Variants in DENND3 observed in about 807,000 individuals in gnomAD.
DENND3 encodes DENN domain-containing protein 3.
Under a neutral mutation model 135.1 loss-of-function variants are expected in DENND3, and 88 were observed. The observed-to-expected ratio is 0.65, with a 90% confidence interval of 0.55 to 0.78. The LOEUF (loss-of-function observed/expected upper bound fraction) is 0.78, where lower values mean the gene tolerates loss of function less well. DENND3 is among the 30% of genes least tolerant of loss of function. The pLI, the probability that DENND3 is intolerant of heterozygous loss-of-function variation, is 0.00. For missense variants in DENND3, 1,392 were observed against 1,688.4 expected, an observed-to-expected ratio of 0.82 and a Z score of 3.08; for synonymous variants, 693 against 712.3, an observed-to-expected ratio of 0.97 and a Z score of 0.43.
At position 141,151,774 on chromosome 8, in the gene DENND3, C is replaced by T. The variant is rs2304284; in HGVS notation, c.1011C>T (p.Phe337=). ...TCCTGTCGGACCAGATGCTGGATTT[C>T]GTCATGGCCCCCACGTCCTTCCTGA... ...VPILSDQMLD[F]VMAPTSFLMG... The change falls in exon 7 of 23, where the codon TTC becomes TTT. Residue 337 remains phenylalanine, a synonymous_variant. Coordinates refer to ENST00000519811, the MANE Select transcript of DENND3 (RefSeq NM_001352890.3). The T allele has an allele frequency of 0.12, 198,267 of 1,613,852 alleles. 16,154 individuals are homozygous for T. Among genetic ancestry groups the T allele is most frequent in the East Asian group, 0.45 (20,096 of 44,864 alleles).
chr8:141,191,731 GCTCA>G (rs1257422296), intron 20 of DENND3: 2 of 152,544 alleles, frequency 1.3e-5, no homozygotes, highest in African/African-American at 4.8e-5. Context: ...CCACTGTTCC[GCTCA>G]CTTTCAGGGC....
chr8:141,154,332 A>G lies in DENND3; in HGVS notation c.1075-1517A>G, dbSNP rs1004988034. On this transcript the variant is annotated intron_variant, in intron 7 of 22. Transcript: ENST00000519811. This position sits in a 1 kb window ranked among gnomAD's most constrained non-coding sequence, Gnocchi z 4.4. ...TCCAAGTCATCATGTGCATATCTCA[A>G]ATATTCCAGGGCTACGCGGTCTCTT... 2.6e-4 allele frequency among the ~76,000 whole-genome samples: 39 copies of G among 152,006 alleles called. No homozygotes were observed. Among genetic ancestry groups the G allele is most frequent in the African/African-American group, 9.4e-4 (39 of 41,404 alleles).
chr8:141,147,159 A>G lies in DENND3; in HGVS notation c.735+2900A>G, dbSNP rs569725385. Reference sequence around the variant, plus strand: ...CACTCAGCCTCGCCGGACTACCTTCAGTGTTCCTTTCCAGTTTGCCCATTT... The same window carrying G: ...CACTCAGCCTCGCCGGACTACCTTCGGTGTTCCTTTCCAGTTTGCCCATTT... On this transcript the variant is annotated intron_variant, in intron 5 of 22. Transcript: ENST00000519811. Among the ~76,000 whole-genome samples, 20 of 152,162 alleles carry G rather than the reference A, an allele frequency of 1.3e-4. No individual in the cohort carries two copies. In the South Asian group the frequency reaches 4.1e-3, roughly 32 times the overall value.
Position 141,185,232 on chromosome 8 carries a change from C to T in DENND3, c.3038C>T (p.Ser1013Leu), listed in dbSNP as rs772734657. The change falls in exon 18 of 23, where the codon TCA becomes TTA. Residue 1013 changes from serine (S) to leucine (L), a missense_variant. By Grantham distance (145) the Ser-to-Leu change is moderately radical (BLOSUM62 -2). Transcript: ENST00000519811. Reference protein sequence around the residue: ...EGKVTVFNASSWTIHQHSFKV... With the variant: ...EGKVTVFNASLWTIHQHSFKV... ...AAGGTGACCGTGTTCAATGCTTCTT[C>T]ATGGACCATCCACCAGCACTCCTTT... The T allele has an allele frequency of 4.3e-6, 7 of 1,614,234 alleles. No individual in the cohort carries two copies. The highest frequency in any genetic ancestry group is 1.6e-4 in the Middle Eastern group (1 of 6,062).
rs768022240 is a variant in DENND3 at position 141,175,713 on chromosome 8, C to A, written c.2535+254C>A. 14 of 530,360 alleles carry A rather than the reference C, an allele frequency of 2.6e-5. No individual in the cohort carries two copies. The highest frequency in any genetic ancestry group is 4.8e-5 in the Non-Finnish European group (14 of 294,484). The allele number at this position is 530,360 out of a possible 1,614,324, so 32.9% of individuals were successfully genotyped here. A position where few individuals can be genotyped will look rare whatever the true frequency, so the allele number is the denominator to read the frequency against. On this transcript the variant is annotated intron_variant, in intron 14 of 22. Coordinates refer to ENST00000519811, the MANE Select transcript of DENND3 (RefSeq NM_001352890.3). This position sits in a 1 kb window ranked among gnomAD's most constrained non-coding sequence, Gnocchi z 5.4. ...AATGGTAACTGATTCTCTGTCACAG[C>A]TGACTTGCATCTGGGAGGCAGGAAG...
At position 141,128,651 on chromosome 8, in the gene DENND3, G is replaced by A; in HGVS notation, c.-57G>A. 1 of 1,177,596 alleles carries A rather than the reference G, an allele frequency of 8.5e-7. No homozygotes were observed. Among genetic ancestry groups the A allele is most frequent in the South Asian group, 2.4e-5 (1 of 42,282 alleles). 72.9% of individuals were successfully genotyped at this position (1,177,596 alleles called of 1,614,324 possible). On this transcript the variant is annotated 5_prime_UTR_variant, in exon 1 of 23. Coordinates refer to ENST00000519811, the MANE Select transcript of DENND3 (RefSeq NM_001352890.3). The surrounding 1 kb of genome is among the most constrained non-coding windows in gnomAD (Gnocchi z 4.5). ...CGCGGCTGGTCCCCAGGGGTCTGCG[G>A]GCGACTGCGCGGCTGAGGCGCCCGA...
rs1820619781 is a variant in DENND3, at chr8:141,165,158, C to T, written c.1450-28C>T. 1.9e-6 allele frequency: 3 copies of T among 1,591,002 alleles called. No homozygotes were observed. The Admixed American group carries it at 5.0e-5, about 27-fold the overall frequency. ...AGGGACCTGGGGAGTCGGCACAGCC[C>T]AGTGACCAGCCCCTCTCTCTTTTCC... On this transcript the variant is annotated intron_variant, in intron 10 of 22. Transcript: ENST00000519811.
intron 4 of DENND3, among the ~76,000 whole-genome samples, chr8:141,143,610 T>C (rs1490924401): frequency 1.3e-5 from 2 of 152,178 alleles, no homozygotes; most frequent in Non-Finnish European, 2.9e-5. Context: ...CTCACTATCT[T>C]GCGCAGGCTG....
chr8:141,165,425 G>A (rs995889859), intron 11 of DENND3, 136 bp downstream of exon 11: 10 of 618,640 alleles, frequency 1.6e-5, no homozygotes, highest in South Asian at 6.3e-5. Context: ...TGAACTGGGC[G>A]ACAGCTAGGA....
Position 141,130,855 on chromosome 8 carries a change from T to A in DENND3, c.102+2046T>A, listed in dbSNP as rs777664453. Among the ~76,000 whole-genome samples the A allele has an allele frequency of 6.6e-5, 10 of 152,052 alleles. No individual in the cohort carries two copies. The highest frequency in any genetic ancestry group is 1.2e-4 in the Non-Finnish European group (8 of 68,024). Reference sequence around the variant, plus strand: ...GCGTGTGCCACCATGCCCAGCTAATTTTTGTATTTTTAGTAGAGACAGGGT... The same window carrying A: ...GCGTGTGCCACCATGCCCAGCTAATATTTGTATTTTTAGTAGAGACAGGGT... On this transcript the variant is annotated intron_variant, in intron 1 of 22. Transcript: ENST00000519811. The surrounding 1 kb of genome is among the most constrained non-coding windows in gnomAD (Gnocchi z 4.2).
chr8:141,128,619 C>G lies in DENND3; in HGVS notation c.-89C>G, dbSNP rs932191656. 7.6e-6 allele frequency: 6 copies of G among 791,610 alleles called. No individual in the cohort carries two copies. Among genetic ancestry groups the G allele is most frequent in the Non-Finnish European group, 9.8e-6 (6 of 609,660 alleles). 49.0% of individuals were successfully genotyped at this position (791,610 alleles called of 1,614,324 possible). ...CGGCGCTCGCAGCGCCCCCGGCCCC[C>G]AGGCGGCGCGGCTGGTCCCCAGGGG... On this transcript the variant is annotated 5_prime_UTR_variant, in exon 1 of 23. Coordinates refer to ENST00000519811, the MANE Select transcript of DENND3 (RefSeq NM_001352890.3). The surrounding 1 kb of genome is among the most constrained non-coding windows in gnomAD (Gnocchi z 4.5).
chr8:141,181,362 G>A (rs557646534), intron 17 of DENND3, among the ~76,000 whole-genome samples: 5 of 152,308 alleles, frequency 3.3e-5, no homozygotes, highest in African/African-American at 1.2e-4. Flanking sequence ...TGCTCACATC[G>A]TTTCCGCAGA....
chr8:141,163,289 A>G (rs751052194), intron 9 of DENND3, 44 bp from the exon 10 acceptor site: 5 of 1,209,902 alleles, frequency 4.1e-6, no homozygotes, highest in Admixed American at 4.0e-5. Context: ...TTTTTCATGT[A>G]TTTAAGAAAG....
intron 5 of DENND3, chr8:141,150,283 C>T (rs1818635753): frequency 7.8e-7 from 1 of 1,275,978 alleles, no homozygotes; most frequent in Non-Finnish European, 1.0e-6. Context: ...TTTCCTCCGC[C>T]AGGTCCAGCC....
At chr8:141,181,435 A>C (rs1164824032) in intron 17 of DENND3, among the ~76,000 whole-genome samples, 1 of 152,222 alleles carries the variant, frequency 6.6e-6, no homozygotes, top group Non-Finnish European at 1.5e-5. Context: ...ATTTGTTGTC[A>C]TAGGAACTGG....
In DENND3 at chr8:141,168,056, CT is replaced by C. The variant is rs1413634671; in HGVS notation, c.1809del (p.Pro604ArgfsTer18). ...PYTFKIPEIH[F>X]PLESKCVQAY... The stretch of plus-strand genomic sequence containing the variant: ...ATACATTCAAGATTCCCGAAATCCA[CT>C]TTCCGCTGGAGAGCAAGTGCGTGCA... On this transcript the variant is annotated frameshift_variant, in exon 13 of 23. Transcript: ENST00000519811. LOFTEE classifies it high-confidence loss of function. This position sits in a 1 kb window ranked among gnomAD's most constrained non-coding sequence, Gnocchi z 6.2. The C allele has an allele frequency of 1.2e-6, 2 of 1,614,020 alleles. No individual in the cohort carries two copies. The highest frequency in any genetic ancestry group is 4.5e-5 in the East Asian group (2 of 44,880).
chr8:141,185,982 GC>G (rs1823841051), intron 18 of DENND3, among the ~76,000 whole-genome samples: 1 of 150,646 alleles, frequency 6.6e-6, no homozygotes, highest in Non-Finnish European at 1.5e-5. Flanking sequence ...TTGCTCTGTT[GC>G]CCAGGCTGGA....
At chr8:141,192,226 C>A (rs556946770) in intron 20 of DENND3, 105 bp from the exon 21 acceptor site, 136 of 1,468,580 alleles carry the variant, frequency 9.3e-5, no homozygotes, top group African/African-American at 1.1e-4. Context: ...CGTGGTGATC[C>A]CCCCCATCAC....
At chr8:141,143,156 TA>T (rs2154612804) in intron 4 of DENND3, 1 of 152,364 alleles carries the variant, frequency 6.6e-6, no homozygotes, top group Admixed American at 6.5e-5. Context: ...TTTGTAGTTT[TA>T]AAAAAATCGG....
Sources: gnomAD v4.1 joint callset for allele counts (sites outside exome capture counted in the v4.1 genomes callset) on GRCh38, gnomAD v4.1.1 for gene constraint, Gnocchi (gnomAD v3.1) non-coding constraint, MANE v1.5 for transcripts, NCBI Gene and HGNC (gene_info 2026-07-23, HGNC 2026-07-21) for gene names.